PRAG1: variants seen among roughly 807,000 people sequenced by gnomAD.
The protein encoded by PRAG1 is PEAK1 related, kinase-activating pseudokinase 1.
Under a neutral mutation model 95.6 loss-of-function variants are expected in PRAG1, and 110 were observed. That is an observed-to-expected ratio of 1.15 (90% CI 0.99 to 1.35). The LOEUF is 1.35. Among genes scored for constraint, PRAG1 ranks in the 40% most tolerant of loss-of-function variants. PRAG1 has a pLI of 0.00. For missense variants in PRAG1, 2,554 were observed against 1,864.7 expected (o/e 1.37, Z -6.81); for synonymous variants, 1,052 against 819.4 (o/e 1.28, Z -4.85).
At chr8:8,365,907 G>C (rs559365958) in intron 3 of PRAG1, among the ~76,000 whole-genome samples, 1 of 152,066 alleles carries the variant, frequency 6.6e-6, no homozygotes, top group African/African-American at 2.4e-5. Context: ...TTGAACCCAA[G>C]AGGTGGAGAT....
intron 1 of PRAG1, among the ~76,000 whole-genome samples, chr8:8,384,189 T>C (rs905371873): frequency 1.3e-5 from 2 of 152,166 alleles, no homozygotes; most frequent in African/African-American, 4.8e-5. Flanking sequence ...GCAGTTCTGC[T>C]TGGCGACTTA....
chr8:8,339,551 C>T lies in PRAG1; in HGVS notation c.2247G>A (p.Arg749=), dbSNP rs551632226. ...CGGTGGTGAAGCTGACGTGGACACC[C>T]CTGAAGGATGGGCTGAGGCTTTCTG... ...GSAESLSPSF[R]GVHVSFTTGS... Residue 749 remains arginine, a synonymous_variant, in exon 4 of 6, where the codon AGG becomes AGA. Coordinates refer to ENST00000615670, the MANE Select transcript of PRAG1 (RefSeq NM_001080826.3). 38 of 1,614,138 alleles carry T rather than the reference C, an allele frequency of 2.4e-5. No homozygotes were observed. The African/African-American group carries it at 4.9e-4, about 21-fold the overall frequency.
In PRAG1 at chr8:8,381,909, A is replaced by C. The variant is rs1015966314; in HGVS notation, c.-87-75T>G. On this transcript the variant is annotated intron_variant, in intron 1 of 5. Coordinates refer to ENST00000615670, the MANE Select transcript of PRAG1 (RefSeq NM_001080826.3). ...TGGGTGCATTATCAATTAGAGTCTCACTATTTGATCAGGGAGAAGGAGGAG... is the reference window on the plus strand; with the variant it reads ...TGGGTGCATTATCAATTAGAGTCTCCCTATTTGATCAGGGAGAAGGAGGAG... 194 of 579,398 alleles carry C rather than the reference A, an allele frequency of 3.3e-4. 1 individual carries two copies. The highest frequency in any genetic ancestry group is 5.8e-5 in the East Asian group (2 of 34,704). 35.9% of individuals were successfully genotyped at this position (579,398 alleles called of 1,614,324 possible). A position where few individuals can be genotyped will look rare whatever the true frequency, so the allele number is the denominator to read the frequency against.
chr8:8,366,771 T>C (rs1800021650), intron 3 of PRAG1, among the ~76,000 whole-genome samples: 1 of 152,080 alleles, frequency 6.6e-6, no homozygotes, highest in Non-Finnish European at 1.5e-5. Flanking sequence ...CTTGACCTCC[T>C]GGCTCAAGCA....
intron 1 of PRAG1, 41 bp from the exon 2 acceptor site, chr8:8,381,875 G>A: frequency 1.5e-6 from 1 of 672,380 alleles, no homozygotes; most frequent in Non-Finnish European, 2.5e-6. Flanking sequence ...GATTTGCCAT[G>A]CCAGACAATG....
At chr8:8,326,154 AAAT>A (rs1406235497) in intron 5 of PRAG1, among the ~76,000 whole-genome samples, 7 of 146,046 alleles carry the variant, frequency 4.8e-5, no homozygotes, top group South Asian at 2.1e-4. Flanking sequence ...CAGTATATAT[AAAT>A]AATAAATAAT....
intron 4 of PRAG1, among the ~76,000 whole-genome samples, chr8:8,333,446 A>G (rs949588640): frequency 2.0e-5 from 3 of 152,222 alleles, no homozygotes; most frequent in Non-Finnish European, 1.5e-5. Context: ...AAAAAGACCA[A>G]GGGAAGGTGC....
chr8:8,367,853 G>C (rs1019475510), intron 3 of PRAG1, among the ~76,000 whole-genome samples: 1 of 152,154 alleles, frequency 6.6e-6, no homozygotes, highest in Non-Finnish European at 1.5e-5. Context: ...ACGTTAGCCA[G>C]GATGGTCTCA....
At chr8:8,374,046 T>C (rs990516290) in intron 3 of PRAG1, among the ~76,000 whole-genome samples, 4 of 152,202 alleles carry the variant, frequency 2.6e-5, no homozygotes, top group South Asian at 2.1e-4. Flanking sequence ...CTAGTTCCCA[T>C]AGGGTGTGGG....
At chr8:8,345,841 G>C (rs1262953332) in intron 3 of PRAG1, among the ~76,000 whole-genome samples, 1 of 152,118 alleles carries the variant, frequency 6.6e-6, no homozygotes, top group Non-Finnish European at 1.5e-5. Context: ...TCTTTCTTAT[G>C]AACTGCATTA....
intron 3 of PRAG1, among the ~76,000 whole-genome samples, chr8:8,349,089 T>G (rs2116860999): frequency 1.3e-5 from 2 of 152,324 alleles, no homozygotes; most frequent in Admixed American, 1.3e-4. Context: ...CTTTCTCATA[T>G]CTACTAGGTT....
In PRAG1 at chr8:8,381,761, G is replaced by A. The variant is rs775482074; in HGVS notation, c.-14C>T. The A allele has an allele frequency of 3.9e-6, 6 of 1,558,068 alleles. 1 individual carries two copies. In the South Asian group the frequency reaches 7.3e-5, roughly 19 times the overall value. ...GGTCTGGTGCATCTTGAGCCGACAG[G>A]GTGCTGGTTCATCTTGCGCCCGGCT... On this transcript the variant is annotated 5_prime_UTR_variant, in exon 2 of 6. Transcript: ENST00000615670.
Position 8,339,972 on chromosome 8 carries a change from A to G in PRAG1, c.2163-337T>C, listed in dbSNP as rs1294272406. On this transcript the variant is annotated intron_variant, in intron 3 of 5. Transcript: ENST00000615670. Reference sequence around the variant, plus strand: ...ATTATATCCTGTGTAAAATCTCTACAAAGAAAAATAAAGATATTATCATAC... The same window carrying G: ...ATTATATCCTGTGTAAAATCTCTACGAAGAAAAATAAAGATATTATCATAC... 3.9e-5 allele frequency among the ~76,000 whole-genome samples: 6 copies of G among 152,356 alleles called. No individual in the cohort carries two copies. The East Asian group carries it at 1.2e-3, about 29-fold the overall frequency.
At chr8:8,376,197 A>G (rs1347397305) in intron 3 of PRAG1, 50 bp downstream of exon 3, 2 of 1,573,022 alleles carry the variant, frequency 1.3e-6, no homozygotes, top group Non-Finnish European at 1.7e-6. Context: ...TTTCTTCTGG[A>G]AGAGCCCTTT....
At chr8:8,351,107 G>A (rs1799506399) in intron 3 of PRAG1, among the ~76,000 whole-genome samples, 1 of 152,190 alleles carries the variant, frequency 6.6e-6, no homozygotes, top group African/African-American at 2.4e-5. Context: ...TTGCCTCATG[G>A]TTCCACAGGC....
chr8:8,384,348 G>T (rs183210162), intron 1 of PRAG1, among the ~76,000 whole-genome samples: 2 of 152,094 alleles, frequency 1.3e-5, no homozygotes, highest in African/African-American at 4.8e-5. Flanking sequence ...CTAGCGTGGG[G>T]GAAGTTTCCT....
chr8:8,336,908 T>TCCC (rs1214780667), intron 4 of PRAG1, among the ~76,000 whole-genome samples: 4 of 49,030 alleles, frequency 8.2e-5, no homozygotes, highest in African/African-American at 3.8e-4. Context: ...CACACCCCTT[T>TCCC]CCCCCCTCCC....
intron 5 of PRAG1, 31 bp downstream of exon 5, chr8:8,327,679 C>A: frequency 6.3e-7 from 1 of 1,583,072 alleles, no homozygotes; most frequent in Non-Finnish European, 8.6e-7. Flanking sequence ...GCCAGTGGCA[C>A]AGCAGAATGC....
rs1388080455 is a variant in PRAG1 at position 8,327,819 on chromosome 8, T to G, written c.2963A>C (p.Asn988Thr). 1.3e-5 allele frequency: 21 copies of G among 1,613,938 alleles called. No homozygotes were observed. In the Middle Eastern group the frequency reaches 8.2e-4, roughly 63 times the overall value. Residue 988 changes from asparagine to threonine, a missense_variant, in exon 5 of 6, where the codon AAC becomes ACC. Transcript: ENST00000615670. ...ACAAGTCAGCTTGAAGAGCGACCAG[T>G]TATTCTCATTGAAGTGGAGCTCCTT... ...QKKELHFNEN[N>T]WSLFKLTCNK...
Sources: gnomAD v4.1 joint callset for allele counts (sites outside exome capture counted in the v4.1 genomes callset) on GRCh38, gnomAD v4.1.1 for gene constraint, MANE v1.5 for transcripts, NCBI Gene and HGNC (gene_info 2026-07-23, HGNC 2026-07-21) for gene names.